WIPF3: variants seen among roughly 807,000 people sequenced by gnomAD.
WIPF3 encodes WAS/WASL-interacting protein family member 3.
WIPF3 carries 33 observed loss-of-function variants against 38.9 expected under a neutral mutation model. The observed-to-expected ratio is 0.85, with a 90% CI of 0.64 to 1.14. The LOEUF is 1.14. Among genes scored for constraint, WIPF3 ranks in the 50% most tolerant of loss-of-function variants. WIPF3 has a pLI of 0.00. For missense variants in WIPF3, 711 were observed against 652.5 expected (o/e 1.09, Z -0.98); for synonymous variants, 324 against 269.3 (o/e 1.20, Z -1.99).
In WIPF3 at chr7:29,849,769, A is replaced by G. The variant is rs146533695; in HGVS notation, c.90+14955A>G. Among the ~76,000 whole-genome samples, 16 of 152,398 alleles carry G rather than the reference A, an allele frequency of 1.0e-4. 1 individual carries two copies. The highest frequency in any genetic ancestry group is 3.6e-4 in the African/African-American group (15 of 41,592). ...TATATATACATATTTGTTAAAGACC[A>G]TCATCTGAACTATTAAGAGACAATC... On this transcript the variant is annotated intron_variant, in intron 2 of 8. Coordinates refer to ENST00000242140, the MANE Select transcript of WIPF3 (RefSeq NM_001080529.3).
chr7:29,904,860 C>T (rs1489909420), intron 8 of WIPF3: 1 of 153,644 alleles, frequency 6.5e-6, no homozygotes, highest in East Asian at 1.9e-4. Flanking sequence ...GCAAGCCAGA[C>T]AGCTGCTTTT....
At chr7:29,865,566 A>G (rs541532618) in intron 2 of WIPF3, among the ~76,000 whole-genome samples, 1 of 152,282 alleles carries the variant, frequency 6.6e-6, no homozygotes, top group East Asian at 1.9e-4. Flanking sequence ...CAGACAGGGA[A>G]GGAAAGGCCT....
chr7:29,865,252 T>G (rs1427008528), intron 2 of WIPF3, among the ~76,000 whole-genome samples: 1 of 152,168 alleles, frequency 6.6e-6, no homozygotes, highest in African/African-American at 2.4e-5. Context: ...AGGGGCTGTC[T>G]TGGGTGTCTT....
At chr7:29,902,919 G>A (rs1020678617) in intron 7 of WIPF3, among the ~76,000 whole-genome samples, 2 of 151,834 alleles carry the variant, frequency 1.3e-5, no homozygotes, top group African/African-American at 4.8e-5. Context: ...ATATTATTAT[G>A]TATTTCTCAA....
At chr7:29,870,892 G>A (rs1486129618) in intron 2 of WIPF3, among the ~76,000 whole-genome samples, 2 of 151,928 alleles carry the variant, frequency 1.3e-5, no homozygotes, top group African/African-American at 4.8e-5. Context: ...AGGAGAGGGA[G>A]GTGGCAGTGA....
intron 1 of WIPF3, among the ~76,000 whole-genome samples, chr7:29,822,288 G>A (rs1326645654): frequency 2.6e-5 from 4 of 151,844 alleles, no homozygotes; most frequent in Non-Finnish European, 2.9e-5. Context: ...GGCTTAGGGA[G>A]GAACTCCTTA....
At chr7:29,819,026 C>T (rs10247073) in intron 1 of WIPF3, among the ~76,000 whole-genome samples, 17,483 of 152,176 alleles carry the variant, frequency 0.11, 1,106 homozygotes, top group African/African-American at 0.16. Flanking sequence ...TTATTTTCTT[C>T]CTCCATATTC....
chr7:29,877,323 T>C (rs1042734968), intron 3 of WIPF3, among the ~76,000 whole-genome samples: 1 of 152,252 alleles, frequency 6.6e-6, no homozygotes, highest in African/African-American at 2.4e-5. Flanking sequence ...TCCTGGTCTC[T>C]CAGTGGTTTC....
At chr7:29,834,595 T>A in intron 1 of WIPF3, 73 bp from the exon 2 acceptor site, 1 of 1,260,216 alleles carries the variant, frequency 7.9e-7, no homozygotes, top group Non-Finnish European at 1.0e-6. Context: ...AATATGCATG[T>A]CTGCAAGATA....
chr7:29,855,533 CA>C (rs1321431966), intron 2 of WIPF3, among the ~76,000 whole-genome samples: 1 of 152,204 alleles, frequency 6.6e-6, no homozygotes, highest in African/African-American at 2.4e-5. Flanking sequence ...TCAGTAATCA[CA>C]AAGTGAATTG....
chr7:29,815,322 G>C (rs1016332789), intron 1 of WIPF3, among the ~76,000 whole-genome samples: 6 of 152,136 alleles, frequency 3.9e-5, no homozygotes, highest in Non-Finnish European at 8.8e-5. Flanking sequence ...AAAAGCTTTT[G>C]CTCGACTCTT....
chr7:29,849,774 C>T (rs1177880577), intron 2 of WIPF3, among the ~76,000 whole-genome samples: 1 of 152,228 alleles, frequency 6.6e-6, no homozygotes, highest in Admixed American at 6.5e-5. Flanking sequence ...AGACCATCAT[C>T]TGAACTATTA....
chr7:29,890,161 C>T (rs2128077602), intron 7 of WIPF3, among the ~76,000 whole-genome samples: 1 of 150,896 alleles, frequency 6.6e-6, no homozygotes, highest in African/African-American at 2.4e-5. Context: ...GAGTTTAAGG[C>T]CAGCCTTGTC....
intron 7 of WIPF3, among the ~76,000 whole-genome samples, chr7:29,891,948 G>C (rs1035943012): frequency 6.6e-6 from 1 of 152,180 alleles, no homozygotes; most frequent in African/African-American, 2.4e-5. Context: ...GGAACCATCT[G>C]TCCCACGTGG....
At chr7:29,849,652 A>G (rs556530660) in intron 2 of WIPF3, among the ~76,000 whole-genome samples, 1 of 152,328 alleles carries the variant, frequency 6.6e-6, no homozygotes, top group East Asian at 1.9e-4. Flanking sequence ...GCCAACTCTA[A>G]GAGAAAAGCT....
chr7:29,910,790 A>G (rs1273585436), intron 8 of WIPF3, among the ~76,000 whole-genome samples: 1 of 152,192 alleles, frequency 6.6e-6, no homozygotes, highest in East Asian at 1.9e-4. Context: ...AAAGCCATAT[A>G]TGAAAAATCT....
intron 7 of WIPF3, among the ~76,000 whole-genome samples, chr7:29,892,132 G>T (rs78656715): frequency 0.02 from 3,060 of 152,304 alleles, 33 homozygotes; most frequent in South Asian, 0.055. Flanking sequence ...CACAGCTTAG[G>T]TTCCCCAACA....
intron 2 of WIPF3, among the ~76,000 whole-genome samples, chr7:29,837,397 C>T (rs1784823384): frequency 6.6e-6 from 1 of 152,128 alleles, no homozygotes; most frequent in Non-Finnish European, 1.5e-5. Context: ...ACATTTTGTG[C>T]ATAATGAAAT....
At chr7:29,818,413 G>A (rs979967118) in intron 1 of WIPF3, among the ~76,000 whole-genome samples, 9 of 151,350 alleles carry the variant, frequency 5.9e-5, no homozygotes, top group African/African-American at 1.5e-4. Flanking sequence ...AGATCACACC[G>A]CTGCACTCCA....
Sources: gnomAD v4.1 joint callset for allele counts (sites outside exome capture counted in the v4.1 genomes callset) on GRCh38, gnomAD v4.1.1 for gene constraint, MANE v1.5 for transcripts, NCBI Gene and HGNC (gene_info 2026-07-23, HGNC 2026-07-21) for gene names.